Variants in ODAD4 observed in about 807,000 individuals in gnomAD.
ODAD4 encodes outer dynein arm docking complex subunit 4.
Under a neutral mutation model 51.8 loss-of-function variants are expected in ODAD4, and 49 were observed. That is an observed-to-expected ratio of 0.95 (90% CI 0.75 to 1.20). The LOEUF is 1.20. Ranked by LOEUF, ODAD4 falls within the 50% of genes most tolerant of loss-of-function variation. The pLI is 0.00. For missense variants in ODAD4, 590 were observed against 586.5 expected (o/e 1.01, Z -0.06); for synonymous variants, 235 against 221.3 (o/e 1.06, Z -0.55).
chr17:41,954,645 G>A (rs1198266632), intron 9 of ODAD4, among the ~76,000 whole-genome samples: 1 of 151,954 alleles, frequency 6.6e-6, no homozygotes, highest in Non-Finnish European at 1.5e-5. Flanking sequence ...TGAGGTCAGG[G>A]TTTAAGACCA....
At chr17:41,956,020 G>GGGATTACAC (rs1332123096) in intron 10 of ODAD4, among the ~76,000 whole-genome samples, 2 of 150,736 alleles carry the variant, frequency 1.3e-5, no homozygotes, top group East Asian at 3.9e-4. Context: ...CCAATGTGCT[G>GGGATTACAC]GGATTACACG....
intron 7 of ODAD4, among the ~76,000 whole-genome samples, chr17:41,943,807 G>A (rs1294086623): frequency 6.6e-6 from 1 of 152,084 alleles, no homozygotes; most frequent in Non-Finnish European, 1.5e-5. Flanking sequence ...GGTTTCTTGA[G>A]CATATAGACC....
chr17:41,934,845 G>A (rs1239573678), intron 1 of ODAD4, among the ~76,000 whole-genome samples: 3 of 152,172 alleles, frequency 2.0e-5, no homozygotes, highest in Non-Finnish European at 2.9e-5. Context: ...AGTTTGGTGT[G>A]CACAAAATAC....
At chr17:41,935,975 GC>G (rs1555637712) in intron 3 of ODAD4, among the ~76,000 whole-genome samples, 1 of 152,220 alleles carries the variant, frequency 6.6e-6, no homozygotes, top group Non-Finnish European at 1.5e-5. Context: ...ATCTCTGAGC[GC>G]TGCAGCCTTG....
intron 10 of ODAD4, among the ~76,000 whole-genome samples, chr17:41,955,631 A>G (rs1416488355): frequency 1.3e-5 from 2 of 152,064 alleles, no homozygotes; most frequent in South Asian, 4.2e-4. Context: ...TTTCACTGTT[A>G]GCCAGGATGG....
intron 5 of ODAD4, among the ~76,000 whole-genome samples, chr17:41,937,837 T>A (rs1343753570): frequency 6.6e-6 from 1 of 152,208 alleles, no homozygotes; most frequent in Non-Finnish European, 1.5e-5. Flanking sequence ...CTGAGATGAA[T>A]GTCCCACATC....
At chr17:41,944,751 T>A (rs551668688) in intron 7 of ODAD4, among the ~76,000 whole-genome samples, 1 of 152,102 alleles carries the variant, frequency 6.6e-6, no homozygotes, top group South Asian at 2.1e-4. Context: ...ATCATGGCAC[T>A]GCCCTCCAGC....
At chr17:41,942,123 A>T (rs1375457153) in intron 7 of ODAD4, among the ~76,000 whole-genome samples, 1 of 152,082 alleles carries the variant, frequency 6.6e-6, no homozygotes, top group African/African-American at 2.4e-5. Context: ...TTTAGTAGAG[A>T]TGGGGTTTCA....
chr17:41,933,350 CAAA>C (rs34740606), intron 1 of ODAD4, among the ~76,000 whole-genome samples: 9 of 74,690 alleles, frequency 1.2e-4, no homozygotes, highest in Admixed American at 1.6e-4. Flanking sequence ...AACTCTGTCT[CAAA>C]AAAAAAAAAA....
chr17:41,958,783 G>A (rs1013710033), intron 10 of ODAD4, among the ~76,000 whole-genome samples: 32 of 151,936 alleles, frequency 2.1e-4, no homozygotes, highest in African/African-American at 7.5e-4. Context: ...CGAACACTTT[G>A]GGAGGCCGAG....
intron 10 of ODAD4, among the ~76,000 whole-genome samples, chr17:41,957,206 C>G (rs1348421732): frequency 6.6e-6 from 1 of 152,150 alleles, no homozygotes; most frequent in Non-Finnish European, 1.5e-5. Context: ...CCCTCATTTT[C>G]TCTTATCAGC....
chr17:41,938,087 T>C (rs1555638100), intron 5 of ODAD4, among the ~76,000 whole-genome samples: 1 of 152,220 alleles, frequency 6.6e-6, no homozygotes, highest in African/African-American at 2.4e-5. Flanking sequence ...AGTGGCCTTG[T>C]AGCTTTGCTT....
chr17:41,958,452 G>A (rs1025790732), intron 10 of ODAD4, among the ~76,000 whole-genome samples: 1 of 151,994 alleles, frequency 6.6e-6, no homozygotes, highest in East Asian at 1.9e-4. Flanking sequence ...CCTGAGGTCA[G>A]GAGTTTGAGA....
chr17:41,936,619 A>G, intron 4 of ODAD4, 85 bp downstream of exon 4: 6 of 1,517,386 alleles, frequency 4.0e-6, no homozygotes, highest in Non-Finnish European at 5.5e-6. Context: ...TCTAGCTGCA[A>G]CCTGACCAGG....
At position 41,961,483 on chromosome 17, in the gene ODAD4, C is replaced by G. The variant is rs372151847; in HGVS notation, c.1528+17C>G. 1.4e-6 allele frequency: 1 copy of G among 721,200 alleles called. No individual in the cohort carries two copies. The highest frequency in any genetic ancestry group is 2.6e-6 in the Non-Finnish European group (1 of 386,734). 44.7% of individuals were successfully genotyped at this position (721,200 alleles called of 1,614,324 possible). On this transcript the variant is annotated intron_variant, in intron 11 of 11. Transcript: ENST00000377540. ...GCGAGGGAGGTGAGTTCCTGAAACT[C>G]TGAAAAGGCAACTTCAGCATTCTCC...
intron 11 of ODAD4, among the ~76,000 whole-genome samples, chr17:41,963,225 A>G (rs1203986925): frequency 1.3e-5 from 2 of 152,154 alleles, no homozygotes; most frequent in Non-Finnish European, 2.9e-5. Flanking sequence ...CTCTGCAGAT[A>G]CCTCAGTAAC....
chr17:41,960,988 C>A (rs2050798522), intron 10 of ODAD4, among the ~76,000 whole-genome samples: 1 of 152,174 alleles, frequency 6.6e-6, no homozygotes, highest in African/African-American at 2.4e-5. Flanking sequence ...CAGCCTGTCC[C>A]CTTGGTGTGT....
In ODAD4 at chr17:41,966,342, T is replaced by A. The variant is rs2050886953; in HGVS notation, c.*859T>A. Among the ~76,000 whole-genome samples, 1 of 152,154 alleles carries A rather than the reference T, an allele frequency of 6.6e-6. No homozygotes were observed. Among genetic ancestry groups the A allele is most frequent in the Non-Finnish European group, 1.5e-5 (1 of 68,026 alleles). On this transcript the variant is annotated 3_prime_UTR_variant, in exon 12 of 12. Transcript: ENST00000377540. ...TCGGCTGGCACAGGGCCTGGACGAA[T>A]GAGGCCAGTGAGGCATTTCAGATGC...
chr17:41,960,454 AAAAAC>A (rs1261055395), intron 10 of ODAD4, among the ~76,000 whole-genome samples: 151 of 117,836 alleles, frequency 1.3e-3, no homozygotes, highest in African/African-American at 3.8e-3. Context: ...TCTCAAAAAA[AAAAAC>A]AAACAAACAA....
Sources: gnomAD v4.1 joint callset for allele counts (sites outside exome capture counted in the v4.1 genomes callset) on GRCh38, gnomAD v4.1.1 for gene constraint, MANE v1.5 for transcripts, NCBI Gene and HGNC (gene_info 2026-07-23, HGNC 2026-07-21) for gene names.